METTL15: variants seen among roughly 807,000 people sequenced by gnomAD.
The protein encoded by METTL15 is 12S rRNA N(4)-cytidine methyltransferase METTL15.
In METTL15, 34 loss-of-function variants were observed where a neutral mutation model predicts 38.3. The ratio of observed to expected loss-of-function variants is 0.89; its 90% confidence interval spans 0.68 to 1.18. The LOEUF (loss-of-function observed/expected upper bound fraction) is 1.18. Ranked by LOEUF, METTL15 falls within the 50% of genes most tolerant of loss-of-function variation. The probability of loss-of-function intolerance (pLI) is 0.00; values close to 1 mark genes in which losing one functional copy is unlikely to be tolerated. For missense variants in METTL15, 438 were observed against 498.4 expected (o/e 0.88, Z 1.15); for synonymous variants, 162 against 170.9 (o/e 0.95, Z 0.41).
intron 3 of METTL15, among the ~76,000 whole-genome samples, chr11:28,184,253 A>G (rs892912144): frequency 6.6e-6 from 1 of 151,414 alleles, no homozygotes; most frequent in Non-Finnish European, 1.5e-5. Context: ...TTGTGTCTCT[A>G]TCTCCTTCAG....
chr11:28,162,933 A>C (rs1038918555), intron 3 of METTL15, among the ~76,000 whole-genome samples: 2 of 152,080 alleles, frequency 1.3e-5, no homozygotes, highest in African/African-American at 4.8e-5. Flanking sequence ...ATTGGGGACT[A>C]TCTGTATTCT....
chr11:28,300,934 A>T (rs888086237), intron 6 of METTL15, among the ~76,000 whole-genome samples: 10 of 152,140 alleles, frequency 6.6e-5, no homozygotes, highest in Non-Finnish European at 1.5e-4. Context: ...ATGGTCATCT[A>T]GCTTTAGCCT....
chr11:28,360,001 T>G (rs1850122470), intron 4 of METTL15, among the ~76,000 whole-genome samples: 1 of 152,170 alleles, frequency 6.6e-6, no homozygotes, highest in Admixed American at 6.5e-5. Context: ...GTTAAAGGAC[T>G]TACAAAAGAA....
At chr11:28,193,270 G>A (rs931538002) in intron 3 of METTL15, among the ~76,000 whole-genome samples, 2 of 152,080 alleles carry the variant, frequency 1.3e-5, no homozygotes, top group Admixed American at 1.3e-4. Context: ...ATAAAGAAAA[G>A]AAGTTCTTTT....
intron 6 of METTL15, among the ~76,000 whole-genome samples, chr11:28,451,992 C>T (rs7127278): frequency 0.42 from 64,307 of 152,124 alleles, 15,010 homozygotes; most frequent in Admixed American, 0.54. Flanking sequence ...GCCTATGAGC[C>T]TGTTAGTGGT....
chr11:28,447,687 GTTC>G (rs776751184), intron 6 of METTL15, among the ~76,000 whole-genome samples: 4 of 152,064 alleles, frequency 2.6e-5, no homozygotes, highest in Non-Finnish European at 5.9e-5. Flanking sequence ...TTTCAAATCA[GTTC>G]TTCTTGATGC....
At position 28,378,199 on chromosome 11, in the gene METTL15, T is replaced by C. The variant is rs912999487; in HGVS notation, c.*358+16163T>C. ...TGGGCTCCACCCAGTTCGAGCTTCC[T>C]GGCTCCTTTGTTTACCTAAGCAAGC... On this transcript the variant is annotated intron_variant and NMD_transcript_variant, in intron 5 of 7. Coordinates refer to the METTL15 transcript ENST00000532947. Among the ~76,000 whole-genome samples, 9 of 152,320 alleles carry C rather than the reference T, an allele frequency of 5.9e-5. No homozygotes were observed. The East Asian group carries it at 1.2e-3, about 20-fold the overall frequency.
At chr11:28,234,731 A>G in intron 4 of METTL15, among the ~76,000 whole-genome samples, 1 of 141,150 alleles carries the variant, frequency 7.1e-6, no homozygotes, top group Non-Finnish European at 1.5e-5. Context: ...GTAGGTTGCA[A>G]AAATTTTCTC....
At chr11:28,474,609 C>A (rs1250043913) in intron 6 of METTL15, among the ~76,000 whole-genome samples, 1 of 152,130 alleles carries the variant, frequency 6.6e-6, no homozygotes, top group East Asian at 1.9e-4. Flanking sequence ...GAAAAGACTC[C>A]TGGTCTAATC....
intron 3 of METTL15, among the ~76,000 whole-genome samples, chr11:28,180,659 C>T (rs1409884309): frequency 6.6e-6 from 1 of 151,706 alleles, no homozygotes; most frequent in Admixed American, 6.6e-5. Flanking sequence ...AATTAGTATG[C>T]AATTTCTTAG....
intron 6 of METTL15, among the ~76,000 whole-genome samples, chr11:28,521,646 T>C (rs971161230): frequency 3.9e-5 from 6 of 152,112 alleles, no homozygotes; most frequent in African/African-American, 1.2e-4. Context: ...GGCTCCCTCA[T>C]GCTCCACTTC....
At chr11:28,200,339 G>A (rs1461928008) in intron 3 of METTL15, among the ~76,000 whole-genome samples, 2 of 152,096 alleles carry the variant, frequency 1.3e-5, no homozygotes, top group Non-Finnish European at 2.9e-5. Context: ...ACAGCTTTGA[G>A]AATTACTTAA....
At chr11:28,193,372 C>T (rs1851771610) in intron 3 of METTL15, among the ~76,000 whole-genome samples, 1 of 152,084 alleles carries the variant, frequency 6.6e-6, no homozygotes. Flanking sequence ...CAAGCAGGCA[C>T]ATCTTACATT....
intron 3 of METTL15, among the ~76,000 whole-genome samples, chr11:28,161,242 C>T (rs1450763397): frequency 6.6e-6 from 1 of 151,602 alleles, no homozygotes. Context: ...CCTTACTCAG[C>T]CTCCCAAGTA....
chr11:28,432,359 G>T (rs927575105), intron 6 of METTL15, among the ~76,000 whole-genome samples: 2 of 152,084 alleles, frequency 1.3e-5, no homozygotes, highest in Admixed American at 6.5e-5. Context: ...AATAATTATG[G>T]CTGTAATCAT....
intron 6 of METTL15, among the ~76,000 whole-genome samples, chr11:28,304,933 T>C (rs1165418297): frequency 6.6e-6 from 1 of 152,140 alleles, no homozygotes; most frequent in East Asian, 1.9e-4. Flanking sequence ...GTTTTCACTC[T>C]GATGGAAAAT....
chr11:28,235,294 T>G (rs987995007), intron 4 of METTL15, among the ~76,000 whole-genome samples: 2 of 152,090 alleles, frequency 1.3e-5, no homozygotes, highest in Non-Finnish European at 2.9e-5. Flanking sequence ...TGCGGGCTCT[T>G]TTTTGATTCC....
intron 3 of METTL15, among the ~76,000 whole-genome samples, chr11:28,156,984 T>G (rs1565130062): frequency 6.6e-6 from 1 of 152,212 alleles, no homozygotes. Flanking sequence ...TAAATGGTAT[T>G]TAACCCTTAT....
chr11:28,229,268 G>A (rs1027009754), intron 4 of METTL15, among the ~76,000 whole-genome samples: 3 of 151,798 alleles, frequency 2.0e-5, no homozygotes, highest in Non-Finnish European at 4.4e-5. Context: ...ATGATGATTG[G>A]CAGTTATTTC....
Sources: gnomAD v4.1 joint callset for allele counts (sites outside exome capture counted in the v4.1 genomes callset) on GRCh38, gnomAD v4.1.1 for gene constraint, MANE v1.5 for transcripts, NCBI Gene and HGNC (gene_info 2026-07-23, HGNC 2026-07-21) for gene names.